B4GALNT3: variants seen among roughly 807,000 people sequenced by gnomAD.
B4GALNT3 encodes the protein beta-1,4-N-acetyl-galactosaminyltransferase 3, also known as beta-1,4-N-acetylgalactosaminyltransferase 3.
B4GALNT3 carries 86 observed loss-of-function variants against 120.2 expected under a neutral mutation model. The ratio of observed to expected loss-of-function variants is 0.72; its 90% confidence interval spans 0.60 to 0.86. B4GALNT3 has a LOEUF of 0.86. B4GALNT3 is among the 40% of genes least tolerant of loss of function. The pLI, the probability that B4GALNT3 is intolerant of heterozygous loss-of-function variation, is 0.00. For missense variants in B4GALNT3, 1,167 were observed against 1,298.9 expected (o/e 0.90, Z 1.56); for synonymous variants, 518 against 510.4 (o/e 1.01, Z -0.20).
At chr12:543,128 A>G in intron 3 of B4GALNT3, 1 of 1,289,334 alleles carries the variant, frequency 7.8e-7, no homozygotes, top group Non-Finnish European at 1.0e-6. Flanking sequence ...AGGTCCAGGG[A>G]GAGTATGTGT....
chr12:478,544 C>CA (rs1946206666), intron 1 of B4GALNT3, among the ~76,000 whole-genome samples: 1 of 151,990 alleles, frequency 6.6e-6, no homozygotes, highest in Non-Finnish European at 1.5e-5. Context: ...CTTGTTAATA[C>CA]AAAAAAGAAT....
At chr12:519,046 A>G (rs1308914746) in intron 1 of B4GALNT3, among the ~76,000 whole-genome samples, 1 of 152,184 alleles carries the variant, frequency 6.6e-6, no homozygotes, top group African/African-American at 2.4e-5. Context: ...CAGAATTCTA[A>G]TAAACTGATC....
rs372420939 is a variant in B4GALNT3 at position 529,716 on chromosome 12, C to T, written c.170-5450C>T. Among the ~76,000 whole-genome samples, 14 of 151,696 alleles carry T rather than the reference C, an allele frequency of 9.2e-5. No homozygotes were observed. In the East Asian group the frequency reaches 1.4e-3, roughly 15 times the overall value. On this transcript the variant is annotated intron_variant, in intron 1 of 19. Coordinates refer to ENST00000266383, the MANE Select transcript of B4GALNT3 (RefSeq NM_173593.4). ...GCTGCTATGAATATTGCCATTATTA[C>T]AACTACTTAGGAGCAAAAGCAATAC...
At chr12:512,406 T>C in intron 1 of B4GALNT3, among the ~76,000 whole-genome samples, 1 of 101,142 alleles carries the variant, frequency 9.9e-6, no homozygotes, top group African/African-American at 5.3e-5. Context: ...ACCTTTGACC[T>C]TCCACCTTCC....
In B4GALNT3 at chr12:535,164, A is replaced by G. The variant is rs956290094; in HGVS notation, c.170-2A>G. The G allele has an allele frequency of 1.2e-6, 2 of 1,609,096 alleles. No homozygotes were observed. Among genetic ancestry groups the G allele is most frequent in the Admixed American group, 1.7e-5 (1 of 59,762 alleles). ...GAGGGCTCCTCTCTTCCCCTTCCAC[A>G]GGGTACGGCAGCTGGAGAGAACTGG... is the stretch of plus-strand genomic sequence containing the variant. On this transcript the variant is annotated splice_acceptor_variant, in intron 1 of 19. Coordinates refer to ENST00000266383, the MANE Select transcript of B4GALNT3 (RefSeq NM_173593.4). LOFTEE classifies it high-confidence loss of function.
chr12:545,984 A>G (rs150180078), intron 6 of B4GALNT3, among the ~76,000 whole-genome samples: 340 of 7,648 alleles, frequency 0.044, no homozygotes, highest in African/African-American at 0.081. Flanking sequence ...GAGTGGGGAG[A>G]TGAGAGGAGT....
At chr12:509,699 T>C (rs945510621) in intron 1 of B4GALNT3, among the ~76,000 whole-genome samples, 1 of 152,138 alleles carries the variant, frequency 6.6e-6, no homozygotes, top group Non-Finnish European at 1.5e-5. Context: ...GATTCCAGAC[T>C]GTCAGGAGGG....
At chr12:478,312 T>G (rs574662618) in intron 1 of B4GALNT3, among the ~76,000 whole-genome samples, 1 of 151,850 alleles carries the variant, frequency 6.6e-6, no homozygotes, top group African/African-American at 2.4e-5. Context: ...CAAGCCTGAT[T>G]TAGCTTGTTG....
intron 1 of B4GALNT3, among the ~76,000 whole-genome samples, chr12:504,299 A>C (rs1946473082): frequency 6.9e-6 from 1 of 144,446 alleles, no homozygotes; most frequent in East Asian, 2.0e-4. Flanking sequence ...ACAAAAACAA[A>C]AACACAATTT....
At chr12:552,605 C>A in intron 13 of B4GALNT3, 77 bp downstream of exon 13, 1 of 1,430,074 alleles carries the variant, frequency 7.0e-7, no homozygotes. Context: ...ATGTTCAGAC[C>A]GTGCCAGCCC....
chr12:475,751 ACTTT>A (rs1458198163), intron 1 of B4GALNT3, among the ~76,000 whole-genome samples: 1 of 152,116 alleles, frequency 6.6e-6, no homozygotes, highest in East Asian at 1.9e-4. Context: ...TTGATCACTG[ACTTT>A]CTTTCATTCC....
At chr12:533,432 A>G (rs1032108008) in intron 1 of B4GALNT3, among the ~76,000 whole-genome samples, 1 of 152,192 alleles carries the variant, frequency 6.6e-6, no homozygotes, top group Non-Finnish European at 1.5e-5. Context: ...TGGCAGAGGG[A>G]TAAAGCTGCA....
intron 1 of B4GALNT3, among the ~76,000 whole-genome samples, chr12:500,079 C>G (rs1946423785): frequency 6.6e-6 from 1 of 152,170 alleles, no homozygotes; most frequent in South Asian, 2.1e-4. Flanking sequence ...GATTTTGCAA[C>G]TTCTAACTTA....
At chr12:547,884 C>T in intron 7 of B4GALNT3, 140 bp from the exon 8 acceptor site, 2 of 705,068 alleles carry the variant, frequency 2.8e-6, no homozygotes, top group Non-Finnish European at 5.0e-6. Context: ...GGGGCTCGAA[C>T]CTAGGCAGTT....
chr12:553,055 A>C, intron 13 of B4GALNT3, 139 bp from the exon 14 acceptor site: 1 of 1,261,538 alleles, frequency 7.9e-7, no homozygotes, highest in Non-Finnish European at 1.1e-6. Context: ...AGGGTCACAC[A>C]GTAAGCGATA....
intron 1 of B4GALNT3, among the ~76,000 whole-genome samples, chr12:533,573 G>A (rs902442878): frequency 6.6e-6 from 1 of 152,194 alleles, no homozygotes; most frequent in Non-Finnish European, 1.5e-5. Context: ...GAGAAATGTG[G>A]GCAGAATGAG....
chr12:519,432 T>C (rs1176062256), intron 1 of B4GALNT3, among the ~76,000 whole-genome samples: 1 of 152,152 alleles, frequency 6.6e-6, no homozygotes, highest in African/African-American at 2.4e-5. Flanking sequence ...CCAGAAACCA[T>C]TTAAGCATCA....
Position 546,215 on chromosome 12 carries a change from G to A in B4GALNT3, c.640-431G>A, listed in dbSNP as rs868515955. Reference sequence around the variant, plus strand: ...GGCAGGGGGTGTGAGAGGAGGGAGGGGGGTGTGGGAGGAGGGGAGTGGGGA... The same window carrying A: ...GGCAGGGGGTGTGAGAGGAGGGAGGAGGGTGTGGGAGGAGGGGAGTGGGGA... On this transcript the variant is annotated intron_variant, in intron 6 of 19. Transcript: ENST00000266383. 6.6e-3 allele frequency among the ~76,000 whole-genome samples: 659 copies of A among 100,380 alleles called. 10 individuals carry two copies. Among genetic ancestry groups the A allele is most frequent in the African/African-American group, 0.023 (594 of 26,142 alleles). The allele number at this position is 100,380 out of a possible 152,430, so 65.9% of individuals were successfully genotyped here.
At chr12:538,619 T>C (rs1946885292) in intron 3 of B4GALNT3, among the ~76,000 whole-genome samples, 1 of 152,020 alleles carries the variant, frequency 6.6e-6, no homozygotes, top group South Asian at 2.1e-4. Flanking sequence ...TATGGCCTTT[T>C]GGTGGTAAAT....
Sources: allele counts gnomAD v4.1 joint callset (sites outside exome capture counted in the v4.1 genomes callset), GRCh38; gene constraint gnomAD v4.1.1; transcripts MANE v1.5; gene names NCBI Gene and HGNC (gene_info 2026-07-23, HGNC 2026-07-21).